Variants in NUDT22 observed in about 807,000 individuals in gnomAD.
The protein encoded by NUDT22 is uridine diphosphate glucose pyrophosphatase NUDT22.
In NUDT22, 23 loss-of-function variants were observed where a neutral mutation model predicts 28.8. The ratio of observed to expected loss-of-function variants is 0.80; its 90% confidence interval spans 0.58 to 1.13. The LOEUF is 1.13. NUDT22 is among the 50% of genes most tolerant of loss of function. The probability of loss-of-function intolerance (pLI) is 0.00; values close to 1 mark genes in which losing one functional copy is unlikely to be tolerated. For missense variants in NUDT22, 358 were observed against 387.3 expected, an observed-to-expected ratio of 0.92 and a Z score of 0.64; for synonymous variants, 175 against 173.7, an observed-to-expected ratio of 1.01 and a Z score of -0.06.
intron 2 of NUDT22, 130 bp downstream of exon 2, chr11:64,227,262 T>C: frequency 3.3e-6 from 4 of 1,208,268 alleles, no homozygotes; most frequent in Non-Finnish European, 4.7e-6. Flanking sequence ...TCTCTGGAAG[T>C]TTGCTCAGGG....
rs1424187929 is a variant in NUDT22 at position 64,226,562 on chromosome 11, AG to A, written c.-18-68del. The stretch of plus-strand genomic sequence containing the variant: ...GATACCCTCAGGAGGTCTGCGACAG[AG>A]GGGGCTAGCTGCGCAGCCCAGGAGT... On this transcript the variant is annotated intron_variant, in intron 1 of 5. Transcript: ENST00000279206. 6.7e-6 allele frequency: 10 copies of A among 1,500,680 alleles called. No homozygotes were observed. The East Asian group carries it at 1.8e-4, about 27-fold the overall frequency. The allele number at this position is 1,500,680 out of a possible 1,614,324, so 93.0% of individuals were successfully genotyped here.
rs202042067 is a variant in NUDT22 at position 64,227,655 on chromosome 11, A to T, written c.568A>T (p.Ile190Phe). Reference sequence around the variant, plus strand: ...ACTCTTTTCCAGTGTCCTTCAGGAGATCTGTGATGAGGTGAGTGAGGTTGA... The same window carrying T: ...ACTCTTTTCCAGTGTCCTTCAGGAGTTCTGTGATGAGGTGAGTGAGGTTGA... ...HELFSSVLQE[I>F]CDEVNLPLLT... is the part of the protein sequence containing the mutation. Residue 190 changes from isoleucine to phenylalanine, a missense_variant, in exon 3 of 6, where the codon ATC (isoleucine) becomes TTC (phenylalanine). Ile to Phe is a conservative substitution (Grantham distance 21, BLOSUM62 0). Coordinates refer to ENST00000279206, the MANE Select transcript of NUDT22 (RefSeq NM_032344.4). 55 of 1,613,678 alleles carry T rather than the reference A, an allele frequency of 3.4e-5. No individual in the cohort carries two copies. The highest frequency in any genetic ancestry group is 4.7e-5 in the Non-Finnish European group (55 of 1,179,692).
Position 64,226,889 on chromosome 11 carries a change from C to G in NUDT22, c.237C>G (p.Leu79=). Residue 79 remains leucine (L), a synonymous_variant, in exon 2 of 6, where the codon CTC becomes CTG. Coordinates refer to ENST00000279206, the MANE Select transcript of NUDT22 (RefSeq NM_032344.4). ...APIGSRGPQL[L]LRLGLTSYRD... ...TTGGCTCTCGGGGGCCACAGCTGCT[C>G]CTGCGCCTGGGCCTTACTTCCTACC... 6.2e-7 allele frequency: 1 copy of G among 1,604,302 alleles called. No individual in the cohort carries two copies. Among genetic ancestry groups the G allele is most frequent in the Non-Finnish European group, 8.5e-7 (1 of 1,179,934 alleles).
chr11:64,229,428 A>G (rs1947133301), intron 4 of NUDT22, 50 bp from the exon 5 acceptor site: 4 of 1,605,440 alleles, frequency 2.5e-6, no homozygotes, highest in Non-Finnish European at 2.6e-6. Context: ...CTCCACAGGT[A>G]CCCCGCAGGG....
chr11:64,227,312 G>A, intron 2 of NUDT22, 180 bp downstream of exon 2: 1 of 795,452 alleles, frequency 1.3e-6, no homozygotes, highest in Non-Finnish European at 2.1e-6. Context: ...CCCCAGTCCT[G>A]TGAGAAACTA....
chr11:64,229,388 G>T lies in NUDT22; in HGVS notation c.677+44G>T, dbSNP rs1395120648. ...ATGATCCTGGGTCTTGGGAAGGTGG[G>T]TGGTGAGGAGTGGGCTGAGGCAGCT... On this transcript the variant is annotated intron_variant, in intron 4 of 5. Coordinates refer to ENST00000279206, the MANE Select transcript of NUDT22 (RefSeq NM_032344.4). 5 of 1,607,418 alleles carry T rather than the reference G, an allele frequency of 3.1e-6. 1 individual carries two copies. Among genetic ancestry groups the T allele is most frequent in the South Asian group, 2.2e-5 (2 of 90,930 alleles).
chr11:64,227,649 CAGG>C lies in NUDT22; in HGVS notation c.565_567del (p.Glu189del), dbSNP rs1322317350. The C allele has an allele frequency of 1.6e-5, 26 of 1,613,848 alleles. No individual in the cohort carries two copies. Among genetic ancestry groups the C allele is most frequent in the Non-Finnish European group, 1.9e-5 (23 of 1,179,886 alleles). Reference sequence around the variant, plus strand: ...ACATGAACTCTTTTCCAGTGTCCTTCAGGAGATCTGTGATGAGGTGAGTGAGGT... The same window carrying C: ...ACATGAACTCTTTTCCAGTGTCCTTCAGATCTGTGATGAGGTGAGTGAGGT... On this transcript the variant is annotated inframe_deletion, in exon 3 of 6. Transcript: ENST00000279206.
chr11:64,229,628 G>C (rs1011188979), intron 5 of NUDT22, 57 bp downstream of exon 5: 1 of 1,495,920 alleles, frequency 6.7e-7, no homozygotes, highest in East Asian at 2.3e-5. Flanking sequence ...GCAGAGGCCT[G>C]GCAATGCATA....
Position 64,229,482 on chromosome 11 carries a change from A to T in NUDT22, c.682A>T (p.Ser228Cys). The stretch of plus-strand genomic sequence containing the variant: ...CACCCTTGTGTTCTTGTCCAGGTGC[A>T]GCCTGACTTCTGAGCAGGTGAGGAA... Reference protein sequence around the residue: ...RASAEFYVQCSLTSEQVRKHY... With the variant: ...RASAEFYVQCCLTSEQVRKHY... The change falls in exon 5 of 6, where the codon AGC (serine) becomes TGC (cysteine). Residue 228 changes from serine to cysteine, a missense_variant. Transcript: ENST00000279206. The T allele has an allele frequency of 5.6e-6, 9 of 1,614,174 alleles. No homozygotes were observed. The highest frequency in any genetic ancestry group is 6.8e-6 in the Non-Finnish European group (8 of 1,179,990).
intron 3 of NUDT22, among the ~76,000 whole-genome samples, chr11:64,228,185 T>C (rs1460835139): frequency 4.0e-5 from 6 of 150,694 alleles, no homozygotes; most frequent in East Asian, 2.0e-4. Context: ...TCTTCTTCTT[T>C]TTTTTTTTTT....
intron 4 of NUDT22, 53 bp from the exon 5 acceptor site, chr11:64,229,425 G>A: frequency 6.2e-7 from 1 of 1,606,460 alleles, no homozygotes; most frequent in Non-Finnish European, 8.5e-7. Context: ...TGGCTCCACA[G>A]GTACCCCGCA....
intron 2 of NUDT22, 166 bp downstream of exon 2, chr11:64,227,298 C>A: frequency 1.2e-6 from 1 of 837,004 alleles, no homozygotes; most frequent in Non-Finnish European, 2.0e-6. Flanking sequence ...CCCACTGACC[C>A]CTGCCCCAGT....
At chr11:64,227,374 C>G (rs995330419) in intron 2 of NUDT22, 194 bp from the exon 3 acceptor site, 4 of 724,098 alleles carry the variant, frequency 5.5e-6, no homozygotes, top group African/African-American at 5.2e-5. Context: ...CTACTCCACC[C>G]CTGCCCCCTG....
At chr11:64,230,094 GAA>G (rs10708923), downstream of NUDT22, 18,024 of 713,706 alleles carry the variant, frequency 0.025, no homozygotes, top group Middle Eastern at 0.047. Flanking sequence ...AGTGACTTGG[GAA>G]AAAAAAAAAA....
intron 5 of NUDT22, 75 bp from the exon 6 acceptor site, chr11:64,229,775 C>A: frequency 6.3e-7 from 1 of 1,588,336 alleles, no homozygotes; most frequent in Non-Finnish European, 8.6e-7. Context: ...GTCTCTGAGG[C>A]TCAGGAATTC....
chr11:64,226,791 AC>A lies in NUDT22; in HGVS notation c.142del (p.Arg48GlyfsTer2). On this transcript the variant is annotated frameshift_variant, in exon 2 of 6. Coordinates refer to ENST00000279206, the MANE Select transcript of NUDT22 (RefSeq NM_032344.4). LOFTEE classifies it high-confidence loss of function. The part of the protein sequence containing the change: ...GDEAITAIWE[T>X]RLKAQPWLFD... The stretch of plus-strand genomic sequence containing the variant: ...CGAGGCCATCACTGCCATCTGGGAG[AC>A]CCGGCTAAAGGCCCAACCCTGGCTC... 3.1e-6 allele frequency: 5 copies of A among 1,610,272 alleles called. No homozygotes were observed. The highest frequency in any genetic ancestry group is 4.2e-6 in the Non-Finnish European group (5 of 1,179,910).
At chr11:64,229,217 GA>G (rs1338445629) in intron 3 of NUDT22, 29 bp from the exon 4 acceptor site, 4 of 1,497,250 alleles carry the variant, frequency 2.7e-6, no homozygotes, top group Non-Finnish European at 3.6e-6. Context: ...TGATAGGTGG[GA>G]CCTCCCCCCA....
chr11:64,228,065 G>T (rs1947095210), intron 3 of NUDT22, among the ~76,000 whole-genome samples: 1 of 151,504 alleles, frequency 6.6e-6, no homozygotes, highest in South Asian at 2.1e-4. Flanking sequence ...TAGAGATGGG[G>T]TTTCACCTTG....
At chr11:64,226,596 GC>G (rs560988188) in intron 1 of NUDT22, 38 bp from the exon 2 acceptor site, 65 of 1,521,294 alleles carry the variant, frequency 4.3e-5, no homozygotes, top group South Asian at 2.0e-4. Flanking sequence ...AGTGGTAGTG[GC>G]CCCCCTGGAT....
Sources: gnomAD v4.1 joint callset for allele counts (sites outside exome capture counted in the v4.1 genomes callset) on GRCh38, gnomAD v4.1.1 for gene constraint, MANE v1.5 for transcripts, NCBI Gene and HGNC (gene_info 2026-07-23, HGNC 2026-07-21) for gene names.